Variants in GRK5 observed in about 807,000 individuals in gnomAD.
The protein encoded by GRK5 is G protein-coupled receptor kinase 5.
In GRK5, 40 loss-of-function variants were observed where a neutral mutation model predicts 78.4. That is an observed-to-expected ratio of 0.51 (90% CI 0.40 to 0.66). The LOEUF (loss-of-function observed/expected upper bound fraction) is 0.66, where lower values mean the gene tolerates loss of function less well. Ranked by LOEUF, GRK5 falls within the 30% of genes least tolerant of loss-of-function variation. The pLI, the probability that GRK5 is intolerant of heterozygous loss-of-function variation, is 0.00. For synonymous variants in GRK5, 289 were observed against 296.8 expected (o/e 0.97, Z 0.27); for missense variants, 598 against 759.9 (o/e 0.79, Z 2.50).
At chr10:119,324,939 T>G (rs565163514) in intron 1 of GRK5, among the ~76,000 whole-genome samples, 2 of 152,176 alleles carry the variant, frequency 1.3e-5, no homozygotes, top group East Asian at 3.9e-4. Context: ...TCCCTCGGAG[T>G]GTGAGGCCTT....
At chr10:119,346,757 TC>T (rs1284739727) in intron 2 of GRK5, among the ~76,000 whole-genome samples, 1 of 151,928 alleles carries the variant, frequency 6.6e-6, no homozygotes, top group Non-Finnish European at 1.5e-5. Context: ...GCTCACCGGG[TC>T]CCCCAGGCTC....
intron 1 of GRK5, among the ~76,000 whole-genome samples, chr10:119,325,900 C>T (rs1222956107): frequency 6.6e-6 from 1 of 152,240 alleles, no homozygotes; most frequent in Non-Finnish European, 1.5e-5. Context: ...TCCACGTGCT[C>T]AGTACTCGTG....
In GRK5 at chr10:119,253,075, C is replaced by G. The variant is rs61874474; in HGVS notation, c.52+45106C>G. Reference sequence around the variant, plus strand: ...TGCCCTGGTTTTCCTGATACGCCCCCTTAGTGCTCAAGGCTGGTTTCAACC... The same window carrying G: ...TGCCCTGGTTTTCCTGATACGCCCCGTTAGTGCTCAAGGCTGGTTTCAACC... On this transcript the variant is annotated intron_variant, in intron 1 of 15. Transcript: ENST00000392870. This position sits in a 1 kb window ranked among gnomAD's most constrained non-coding sequence, Gnocchi z 5.7. Among the ~76,000 whole-genome samples, 1,528 of 152,214 alleles carry G rather than the reference C, an allele frequency of 0.01. 10 individuals carry two copies. The highest frequency in any genetic ancestry group is 0.015 in the Non-Finnish European group (997 of 68,008).
At position 119,431,032 on chromosome 10, in the gene GRK5, A is replaced by T. The variant is rs766582067; in HGVS notation, c.598-355A>T. 1.3e-5 allele frequency among the ~76,000 whole-genome samples: 2 copies of T among 152,178 alleles called. No homozygotes were observed. Among genetic ancestry groups the T allele is most frequent in the Non-Finnish European group, 2.9e-5 (2 of 68,030 alleles). Reference sequence around the variant, plus strand: ...GAGGATCTCCTATCACTGCCTCCCAAAACAAACTTCTCTACCGGCAGCCGG... The same window carrying T: ...GAGGATCTCCTATCACTGCCTCCCATAACAAACTTCTCTACCGGCAGCCGG... On this transcript the variant is annotated intron_variant, in intron 7 of 15. Transcript: ENST00000392870. The surrounding 1 kb of genome is among the most constrained non-coding windows in gnomAD (Gnocchi z 4.8).
chr10:119,451,446 G>GTCCCCAC, intron 13 of GRK5, among the ~76,000 whole-genome samples: 1 of 152,136 alleles, frequency 6.6e-6, no homozygotes, highest in Non-Finnish European at 1.5e-5. Flanking sequence ...GGCACCCTGG[G>GTCCCCAC]TCCCCACACC....
intron 4 of GRK5, among the ~76,000 whole-genome samples, chr10:119,413,776 T>C (rs1186966481): frequency 6.6e-6 from 1 of 151,920 alleles, no homozygotes; most frequent in Non-Finnish European, 1.5e-5. Flanking sequence ...AAAACCCACA[T>C]CAAGGCCCAG....
chr10:119,401,779 G>A (rs756595321), intron 4 of GRK5, among the ~76,000 whole-genome samples: 20 of 152,166 alleles, frequency 1.3e-4, no homozygotes, highest in Non-Finnish European at 1.9e-4. Context: ...TGTGGAGTGC[G>A]AGAGGCCAAG....
At chr10:119,436,980 G>T in intron 9 of GRK5, 139 bp downstream of exon 9, 1 of 806,828 alleles carries the variant, frequency 1.2e-6, no homozygotes, top group Non-Finnish European at 1.9e-6. Flanking sequence ...GAGTCAGACA[G>T]ACTTTCCACT....
At chr10:119,380,970 A>T in intron 3 of GRK5, 43 bp downstream of exon 3, 1 of 1,218,658 alleles carries the variant, frequency 8.2e-7, no homozygotes. Context: ...GTCCTCTGTG[A>T]TCAGTGATTG....
chr10:119,327,095 T>G (rs1315605245), intron 2 of GRK5, among the ~76,000 whole-genome samples: 3 of 107,738 alleles, frequency 2.8e-5, no homozygotes, highest in Admixed American at 1.0e-4. Context: ...TCAGGTGGGG[T>G]GGGGGATGTG....
intron 10 of GRK5, 24 bp from the exon 11 acceptor site, chr10:119,441,975 C>T (rs940605304): frequency 9.4e-6 from 15 of 1,598,544 alleles, no homozygotes; most frequent in Non-Finnish European, 1.3e-5. Flanking sequence ...CCCAGGGACC[C>T]ACTGACCCTG....
intron 1 of GRK5, among the ~76,000 whole-genome samples, chr10:119,255,930 A>C (rs767368401): frequency 5.9e-5 from 9 of 152,200 alleles, no homozygotes; most frequent in Non-Finnish European, 7.3e-5. Context: ...GGCTTCTTGG[A>C]GGAATGACAC....
In GRK5 at chr10:119,207,681, AG is replaced by A; in HGVS notation, c.-231del. The A allele has an allele frequency of 3.9e-6, 1 of 256,418 alleles. No individual in the cohort carries two copies. Among genetic ancestry groups the A allele is most frequent in the South Asian group, 3.2e-5 (1 of 31,658 alleles). 15.9% of individuals were successfully genotyped at this position (256,418 alleles called of 1,614,324 possible). A position where few individuals can be genotyped will look rare whatever the true frequency, so the allele number is the denominator to read the frequency against. On this transcript the variant is annotated 5_prime_UTR_variant, in exon 1 of 16. Transcript: ENST00000392870. Reference sequence around the variant, plus strand: ...GGGGGAGCGTGTTGAGGGAGGGGGGAGGGGGGACACAGAGGGAGGAAGAAGC... The same window carrying A: ...GGGGGAGCGTGTTGAGGGAGGGGGGAGGGGGACACAGAGGGAGGAAGAAGC...
In GRK5 at chr10:119,380,702, C is replaced by T. The variant is rs962708576; in HGVS notation, c.149-113C>T. On this transcript the variant is annotated intron_variant, in intron 2 of 15. Coordinates refer to ENST00000392870, the MANE Select transcript of GRK5 (RefSeq NM_005308.3). ...ATGAAGAAGGCGTTCTGAGAGTTTG[C>T]CAGTCACCTTCCTCCATCCATCTAG... The T allele has an allele frequency of 5.2e-5, 33 of 638,798 alleles. 1 individual carries two copies. The highest frequency in any genetic ancestry group is 2.8e-4 in the South Asian group (15 of 52,814). 39.6% of individuals were successfully genotyped at this position (638,798 alleles called of 1,614,324 possible). A position where few individuals can be genotyped will look rare whatever the true frequency, so the allele number is the denominator to read the frequency against.
At chr10:119,260,005 T>C (rs1849346893) in intron 1 of GRK5, among the ~76,000 whole-genome samples, 1 of 152,084 alleles carries the variant, frequency 6.6e-6, no homozygotes. Context: ...TGAGATCAGT[T>C]GTTTTTTTTT....
chr10:119,379,970 T>C lies in GRK5; in HGVS notation c.149-845T>C, dbSNP rs897233656. 1.1e-4 allele frequency among the ~76,000 whole-genome samples: 17 copies of C among 152,176 alleles called. No homozygotes were observed. Among genetic ancestry groups the C allele is most frequent in the African/African-American group, 4.1e-4 (17 of 41,438 alleles). ...TTCCTCTTCAGAACCCTCTTGGCTATTGAGTGGGTAAGCGCGGGTGACTTC... is the reference window on the plus strand; with the variant it reads ...TTCCTCTTCAGAACCCTCTTGGCTACTGAGTGGGTAAGCGCGGGTGACTTC... On this transcript the variant is annotated intron_variant, in intron 2 of 15. Transcript: ENST00000392870. This position sits in a 1 kb window ranked among gnomAD's most constrained non-coding sequence, Gnocchi z 4.1.
chr10:119,433,721 A>G (rs1359619495), intron 8 of GRK5, among the ~76,000 whole-genome samples: 3 of 151,952 alleles, frequency 2.0e-5, no homozygotes, highest in Non-Finnish European at 2.9e-5. Context: ...CCACCTCCCT[A>G]TGTGGAGAAG....
In GRK5 at chr10:119,255,887, C is replaced by A. The variant is rs551822410; in HGVS notation, c.52+47918C>A. 5.9e-5 allele frequency among the ~76,000 whole-genome samples: 9 copies of A among 152,236 alleles called. No homozygotes were observed. In the East Asian group the frequency reaches 1.5e-3, roughly 26 times the overall value. ...GCTGGGATGCAGGGAGGGCTCTGGG[C>A]CCAGGGAACAACCACTTGAGGCAGC... On this transcript the variant is annotated intron_variant, in intron 1 of 15. Transcript: ENST00000392870.
At chr10:119,409,556 G>A (rs1204946084) in intron 4 of GRK5, among the ~76,000 whole-genome samples, 1 of 152,142 alleles carries the variant, frequency 6.6e-6, no homozygotes, top group Non-Finnish European at 1.5e-5. Flanking sequence ...CTTCCTGAGG[G>A]CACCCCCAAC....
Sources: allele counts gnomAD v4.1 joint callset (sites outside exome capture counted in the v4.1 genomes callset), GRCh38; gene constraint gnomAD v4.1.1; non-coding constraint Gnocchi (gnomAD v3.1); transcripts MANE v1.5; gene names NCBI Gene and HGNC (gene_info 2026-07-23, HGNC 2026-07-21).